The following SPTLC3 variants were observed in gnomAD, a reference collection of about 807,000 sequenced individuals.
The protein encoded by SPTLC3 is serine palmitoyltransferase 3.
In SPTLC3, 36 loss-of-function variants were observed where a neutral mutation model predicts 59.3. The observed-to-expected ratio is 0.61, with a 90% CI of 0.47 to 0.80. SPTLC3 has a LOEUF of 0.80. Among genes scored for constraint, SPTLC3 ranks in the 30% least tolerant of loss-of-function variants. SPTLC3 has a pLI of 0.00. For synonymous variants in SPTLC3, 257 were observed against 240.8 expected (o/e 1.07, Z -0.62); for missense variants, 625 against 685.1 (o/e 0.91, Z 0.98).
At chr20:13,065,432 CTTTCT>C (rs940977368) in intron 2 of SPTLC3, among the ~76,000 whole-genome samples, 1 of 151,490 alleles carries the variant, frequency 6.6e-6, no homozygotes, top group Non-Finnish European at 1.5e-5. Flanking sequence ...ATAGCCATCT[CTTTCT>C]TTTATCTTCA....
intron 2 of SPTLC3, chr20:13,050,351 A>G (rs1987431279): frequency 6.6e-6 from 1 of 152,192 alleles, no homozygotes; most frequent in South Asian, 2.1e-4. Flanking sequence ...CTTAAAGACA[A>G]GGTCTTCGAA....
chr20:13,155,240 T>C (rs148216991), intron 10 of SPTLC3, among the ~76,000 whole-genome samples: 205 of 152,300 alleles, frequency 1.3e-3, no homozygotes, highest in African/African-American at 4.6e-3. Flanking sequence ...TGTTTATTTT[T>C]ATCTCTGACC....
intron 6 of SPTLC3, among the ~76,000 whole-genome samples, chr20:13,105,191 GGCCGAGC>G (rs1989813236): frequency 1.3e-5 from 2 of 152,128 alleles, no homozygotes; most frequent in African/African-American, 4.8e-5. Context: ...CCAGAATCCA[GGCCGAGC>G]GCAGTCTTCC....
At chr20:13,109,710 C>T (rs1205635816) in intron 6 of SPTLC3, among the ~76,000 whole-genome samples, 1 of 152,220 alleles carries the variant, frequency 6.6e-6, no homozygotes, top group African/African-American at 2.4e-5. Context: ...CTCAGCTAAA[C>T]TCTAACATGC....
At chr20:13,029,229 C>G (rs1245523322) in intron 1 of SPTLC3, among the ~76,000 whole-genome samples, 1 of 152,162 alleles carries the variant, frequency 6.6e-6, no homozygotes, top group Non-Finnish European at 1.5e-5. Flanking sequence ...CACGTCCCTA[C>G]AGACTGAGTA....
At chr20:13,086,494 T>G (rs1448162818) in intron 4 of SPTLC3, among the ~76,000 whole-genome samples, 1 of 152,200 alleles carries the variant, frequency 6.6e-6, no homozygotes, top group Non-Finnish European at 1.5e-5. Context: ...TAATAAAATC[T>G]GAGCTATGAA....
chr20:13,061,813 C>A (rs116994591), intron 2 of SPTLC3, among the ~76,000 whole-genome samples: 1 of 152,294 alleles, frequency 6.6e-6, no homozygotes, highest in East Asian at 1.9e-4. Context: ...CCTGCTTCCA[C>A]CCTTGAACCC....
At chr20:13,093,946 A>G (rs1157689891) in intron 6 of SPTLC3, among the ~76,000 whole-genome samples, 1 of 152,160 alleles carries the variant, frequency 6.6e-6, no homozygotes, top group East Asian at 1.9e-4. Context: ...TGTTAAGGTC[A>G]GGTAAAAAAT....
chr20:13,164,326 T>C, intron 11 of SPTLC3: 1 of 471,756 alleles, frequency 2.1e-6, no homozygotes, highest in Non-Finnish European at 4.4e-6. Flanking sequence ...GTTAATCAGC[T>C]CCCGCAACAT....
rs770271496 is a variant in SPTLC3 at position 13,139,273 on chromosome 20, A to C, written c.1279+12556A>C. ...CAATGAAAGATAAAGGGGTATTGGG[A>C]TTTTGAGTCTTTGAAAATTTTCCAT... On this transcript the variant is annotated intron_variant, in intron 9 of 11. Coordinates refer to ENST00000399002, the MANE Select transcript of SPTLC3 (RefSeq NM_018327.4). 2.6e-5 allele frequency among the ~76,000 whole-genome samples: 4 copies of C among 152,138 alleles called. No individual in the cohort carries two copies. In the East Asian group the frequency reaches 5.8e-4, roughly 22 times the overall value.
intron 6 of SPTLC3, among the ~76,000 whole-genome samples, chr20:13,100,898 C>T (rs1194557222): frequency 1.3e-5 from 2 of 152,136 alleles, no homozygotes; most frequent in East Asian, 1.9e-4. Context: ...GTTTGCTTCC[C>T]CCAGCAGCAG....
At chr20:13,010,123 G>A (rs538367659) in intron 1 of SPTLC3, among the ~76,000 whole-genome samples, 2 of 151,724 alleles carry the variant, frequency 1.3e-5, no homozygotes, top group Non-Finnish European at 2.9e-5. Flanking sequence ...TTGTCAGCTT[G>A]TTTTAAGAGA....
intron 4 of SPTLC3, among the ~76,000 whole-genome samples, chr20:13,090,223 T>C (rs1989166272): frequency 6.6e-6 from 1 of 152,220 alleles, no homozygotes; most frequent in Non-Finnish European, 1.5e-5. Context: ...AAAACTAAAC[T>C]TTGGAGTTAA....
intron 1 of SPTLC3, among the ~76,000 whole-genome samples, chr20:13,028,579 A>G (rs1343584955): frequency 6.6e-6 from 1 of 152,170 alleles, no homozygotes; most frequent in Admixed American, 6.5e-5. Flanking sequence ...TATGTTACAC[A>G]TATATATCAT....
At chr20:13,145,493 C>G (rs1288209311) in intron 9 of SPTLC3, among the ~76,000 whole-genome samples, 1 of 152,076 alleles carries the variant, frequency 6.6e-6, no homozygotes, top group Non-Finnish European at 1.5e-5. Context: ...AGAGAAGACA[C>G]AAACAAATGG....
chr20:13,132,471 C>T (rs1406588992), intron 9 of SPTLC3, among the ~76,000 whole-genome samples: 1 of 152,120 alleles, frequency 6.6e-6, no homozygotes, highest in Non-Finnish European at 1.5e-5. Flanking sequence ...GGACCGCACC[C>T]AGCCGCTTTA....
At chr20:13,133,351 A>G (rs973528938) in intron 9 of SPTLC3, among the ~76,000 whole-genome samples, 6 of 151,910 alleles carry the variant, frequency 3.9e-5, no homozygotes, top group African/African-American at 1.5e-4. Context: ...GCCTTTGAGA[A>G]TCACTGCTGC....
chr20:13,074,049 A>C (rs1216123418), intron 3 of SPTLC3: 2 of 640,964 alleles, frequency 3.1e-6, no homozygotes, highest in African/African-American at 3.6e-5. Context: ...TGGCAGGTCC[A>C]AGTTGGAGGC....
chr20:13,092,492 A>G (rs1346700953), intron 5 of SPTLC3, among the ~76,000 whole-genome samples: 1 of 152,218 alleles, frequency 6.6e-6, no homozygotes, highest in Non-Finnish European at 1.5e-5. Context: ...ATCATTAGAA[A>G]AGTTGGGGAA....
Sources: gnomAD v4.1 joint callset for allele counts (sites outside exome capture counted in the v4.1 genomes callset) on GRCh38, gnomAD v4.1.1 for gene constraint, MANE v1.5 for transcripts, NCBI Gene and HGNC (gene_info 2026-07-23, HGNC 2026-07-21) for gene names.